The following LRRK1 variants were observed in gnomAD, a reference collection of about 807,000 sequenced individuals.
LRRK1 encodes the protein leucine-rich repeat serine/threonine-protein kinase 1.
Under a neutral mutation model 209.1 loss-of-function variants are expected in LRRK1, and 113 were observed. That is an observed-to-expected ratio of 0.54 (90% CI 0.46 to 0.63). The LOEUF (loss-of-function observed/expected upper bound fraction) is 0.63, where lower values mean the gene tolerates loss of function less well. LRRK1 is among the 30% of genes least tolerant of loss of function. The pLI is 0.00. For missense variants in LRRK1, 2,284 were observed against 2,632.2 expected, an observed-to-expected ratio of 0.87 and a Z score of 2.89; for synonymous variants, 1,144 against 1,099.7, an observed-to-expected ratio of 1.04 and a Z score of -0.80.
At chr15:100,953,897 T>TTTTG (rs570626120) in intron 2 of LRRK1, among the ~76,000 whole-genome samples, 29 of 152,130 alleles carry the variant, frequency 1.9e-4, no homozygotes, top group African/African-American at 5.3e-4. Flanking sequence ...ACATAGGTTT[T>TTTTG]TTTGTTTGTT....
At chr15:100,923,357 A>G (rs1007840509) in intron 1 of LRRK1, among the ~76,000 whole-genome samples, 4 of 152,230 alleles carry the variant, frequency 2.6e-5, no homozygotes, top group African/African-American at 9.6e-5. Context: ...TTGCCTGTAC[A>G]GATTCTCTTA....
At chr15:101,052,883 G>C in intron 24 of LRRK1, 39 bp from the exon 25 acceptor site, 1 of 1,592,660 alleles carries the variant, frequency 6.3e-7, no homozygotes. Flanking sequence ...CCCGCATCAG[G>C]GCGGGGGGGA....
At chr15:100,997,377 C>T (rs964317914) in intron 6 of LRRK1, among the ~76,000 whole-genome samples, 1 of 152,198 alleles carries the variant, frequency 6.6e-6, no homozygotes, top group Non-Finnish European at 1.5e-5. Context: ...TTATCGATCT[C>T]CTGCCAGATG....
In LRRK1 at chr15:101,071,400, T is replaced by G. The variant is rs906153997; in HGVS notation, c.*2552T>G. On this transcript the variant is annotated 3_prime_UTR_variant, in exon 34 of 34. Coordinates refer to ENST00000388948, the MANE Select transcript of LRRK1 (RefSeq NM_024652.6). ...TGTTTTTTTTGTTTTGTTTTGTTTT[T>G]GTTTTTTGAGACGGAGTCTCGCTCT... 2.0e-5 allele frequency: 3 copies of G among 152,374 alleles called. No individual in the cohort carries two copies. The highest frequency in any genetic ancestry group is 4.4e-5 in the Non-Finnish European group (3 of 68,170). The allele number at this position is 152,374 out of a possible 1,614,324, so 9.4% of individuals were successfully genotyped here.
rs1301391466 is a variant in LRRK1 at position 100,919,878 on chromosome 15, G to A, written c.-123+427G>A. Among the ~76,000 whole-genome samples, 1 of 152,206 alleles carries A rather than the reference G, an allele frequency of 6.6e-6. No individual in the cohort carries two copies. Among genetic ancestry groups the A allele is most frequent in the Admixed American group, 6.5e-5 (1 of 15,290 alleles). The stretch of plus-strand genomic sequence containing the variant: ...AGCGAACCCAGTCCCTTAGCGGGGA[G>A]CGGGCGGAGTGTGAGCGCGCGGGTG... On this transcript the variant is annotated intron_variant, in intron 1 of 33. Transcript: ENST00000388948. The surrounding 1 kb of genome is among the most constrained non-coding windows in gnomAD (Gnocchi z 5.8).
intron 2 of LRRK1, among the ~76,000 whole-genome samples, chr15:100,925,610 C>T (rs1381776882): frequency 1.3e-5 from 2 of 152,276 alleles, no homozygotes; most frequent in East Asian, 1.9e-4. Context: ...CCAGATTTTC[C>T]GCTACACTTG....
intron 2 of LRRK1, among the ~76,000 whole-genome samples, chr15:100,957,718 A>C (rs1172664702): frequency 1.3e-5 from 2 of 152,144 alleles, no homozygotes; most frequent in African/African-American, 2.4e-5. Context: ...TAGGTAGCAT[A>C]TTGCTGGTTC....
chr15:100,952,021 A>G (rs906208677), intron 2 of LRRK1, among the ~76,000 whole-genome samples: 2 of 151,740 alleles, frequency 1.3e-5, no homozygotes, highest in African/African-American at 2.4e-5. Flanking sequence ...GTACTAATAT[A>G]TGCTACAACA....
intron 20 of LRRK1, among the ~76,000 whole-genome samples, chr15:101,045,346 C>T (rs886651059): frequency 2.0e-5 from 3 of 152,230 alleles, no homozygotes; most frequent in African/African-American, 7.2e-5. Context: ...TGCTGGTTTT[C>T]GGGCACCCTT....
chr15:101,060,905 C>T (rs900160260), intron 29 of LRRK1, among the ~76,000 whole-genome samples: 1 of 152,260 alleles, frequency 6.6e-6, no homozygotes, highest in Non-Finnish European at 1.5e-5. Flanking sequence ...GGGAGGGCCC[C>T]TCCTTCGTAC....
intron 20 of LRRK1, among the ~76,000 whole-genome samples, chr15:101,032,939 G>A (rs1480514671): frequency 6.6e-6 from 1 of 152,136 alleles, no homozygotes; most frequent in Non-Finnish European, 1.5e-5. Context: ...TTTTGTATTA[G>A]TTTCCTGTGA....
rs41525944 is a variant in LRRK1, at chr15:101,065,985, C to A, written c.5548C>A (p.Arg1850Ser). 1.2e-6 allele frequency: 2 copies of A among 1,614,146 alleles called. No homozygotes were observed. Residue 1850 changes from arginine to serine, a missense_variant, in exon 32 of 34, where the codon CGC becomes AGC. Physicochemically the swap from Arg to Ser is moderately radical, Grantham distance 110 (BLOSUM62 -1). This residue lies in a region of LRRK1 where 643 missense variants were observed against 695.9 expected (regional missense o/e 0.92). Transcript: ENST00000388948. The part of the protein sequence containing the change: ...SMSSYSSSPP[R>S]QAARSPSSLP... ...GTCCTCCTACTCCTCATCCCCACCC[C>A]GCCAGGCTGCCAGGTCCCCCTCAAG...
Position 101,062,680 on chromosome 15 carries a change from T to A in LRRK1, c.4904T>A (p.Val1635Asp). The stretch of plus-strand genomic sequence containing the variant: ...GTCACCTGCTTCTTGGCCGTGCCTG[T>A]TATTAAAAAGGTGAGGTCGGGGCAA... ...AVVTCFLAVPVIKKNSYLVLA... is the reference protein window; with the variant it reads ...AVVTCFLAVPDIKKNSYLVLA... Residue 1635 changes from valine to aspartate, a missense_variant, in exon 31 of 34, where the codon GTT becomes GAT. Physicochemically the swap from Val to Asp is radical, Grantham distance 152. Around this residue, in one of 6 missense-constraint regions of LRRK1, gnomAD observed 643 missense variants for 695.9 expected, o/e 0.92. Transcript: ENST00000388948. The A allele has an allele frequency of 6.2e-7, 1 of 1,613,000 alleles. No homozygotes were observed. Among genetic ancestry groups the A allele is most frequent in the Non-Finnish European group, 8.5e-7 (1 of 1,178,950 alleles).
chr15:100,985,342 C>G (rs149908632), intron 4 of LRRK1, among the ~76,000 whole-genome samples: 52 of 152,312 alleles, frequency 3.4e-4, no homozygotes, highest in Non-Finnish European at 4.7e-4. Context: ...ACTCCGTCAC[C>G]TAATGTTAGC....
At chr15:100,956,059 G>C (rs562462336) in intron 2 of LRRK1, among the ~76,000 whole-genome samples, 1 of 152,280 alleles carries the variant, frequency 6.6e-6, no homozygotes, top group South Asian at 2.1e-4. Flanking sequence ...AGGAAGGACT[G>C]GCATTCACTC....
intron 12 of LRRK1, among the ~76,000 whole-genome samples, chr15:101,019,657 C>T (rs1416715969): frequency 6.6e-6 from 1 of 152,190 alleles, no homozygotes; most frequent in East Asian, 1.9e-4. Context: ...TGATCAAGGG[C>T]AACCGAGCCT....
intron 27 of LRRK1, 39 bp from the exon 28 acceptor site, chr15:101,056,817 G>A: frequency 6.6e-7 from 1 of 1,522,604 alleles, no homozygotes; most frequent in South Asian, 1.3e-5. Flanking sequence ...AGGCCACTGG[G>A]CCCAGGCAGC....
intron 23 of LRRK1, 57 bp from the exon 24 acceptor site, chr15:101,051,654 G>C (rs1050795647): frequency 7.0e-7 from 1 of 1,428,276 alleles, no homozygotes; most frequent in East Asian, 2.5e-5. Flanking sequence ...GTGCTGCTCG[G>C]GGGGCCCTCC....
intron 2 of LRRK1, among the ~76,000 whole-genome samples, chr15:100,953,364 G>A (rs1286862158): frequency 1.3e-5 from 2 of 152,046 alleles, no homozygotes; most frequent in African/African-American, 4.8e-5. Flanking sequence ...CCACATATAA[G>A]TGAGATCATA....
Sources: allele counts gnomAD v4.1 joint callset (sites outside exome capture counted in the v4.1 genomes callset), GRCh38; gene constraint gnomAD v4.1.1; regional missense constraint gnomAD v4.1.1; non-coding constraint Gnocchi (gnomAD v3.1); transcripts MANE v1.5; gene names NCBI Gene and HGNC (gene_info 2026-07-23, HGNC 2026-07-21).